NR3C2: variants seen among roughly 807,000 people sequenced by gnomAD.
The protein encoded by NR3C2 is mineralocorticoid receptor.
In NR3C2, 15 loss-of-function variants were observed where a neutral mutation model predicts 86.4. The ratio of observed to expected loss-of-function variants is 0.17; its 90% CI spans 0.12 to 0.27. The LOEUF (loss-of-function observed/expected upper bound fraction) is 0.27. NR3C2 is among the 10% of genes least tolerant of loss of function. The pLI is 1.00. For missense variants in NR3C2, 960 were observed against 1,195.6 expected (o/e 0.80, Z 2.91); for synonymous variants, 458 against 450.5 (o/e 1.02, Z -0.21).
At chr4:148,416,527 G>C (rs1231848252) in intron 2 of NR3C2, among the ~76,000 whole-genome samples, 1 of 152,216 alleles carries the variant, frequency 6.6e-6, no homozygotes, top group African/African-American at 2.4e-5. Flanking sequence ...ACACCTGGCT[G>C]AAGAGTCCAT....
intron 2 of NR3C2, among the ~76,000 whole-genome samples, chr4:148,345,659 TA>T (rs1283592417): frequency 6.6e-6 from 1 of 151,850 alleles, no homozygotes; most frequent in Non-Finnish European, 1.5e-5. Flanking sequence ...TGTCACTAGG[TA>T]TTCAAGCAGA....
intron 2 of NR3C2, among the ~76,000 whole-genome samples, chr4:148,317,778 T>A (rs76003481): frequency 3.6e-5 from 5 of 138,506 alleles, no homozygotes; most frequent in African/African-American, 8.2e-5. Flanking sequence ...AGCTTTTTTT[T>A]AAAAAGAATG....
chr4:148,296,911 C>T (rs75533657), intron 2 of NR3C2, among the ~76,000 whole-genome samples: 92 of 152,208 alleles, frequency 6.0e-4, no homozygotes, highest in African/African-American at 2.1e-3. Context: ...CTTTGTTTTA[C>T]AATAAAAGAC....
At chr4:148,267,677 T>C (rs913343158) in intron 2 of NR3C2, among the ~76,000 whole-genome samples, 12 of 152,144 alleles carry the variant, frequency 7.9e-5, no homozygotes, top group Non-Finnish European at 1.2e-4. Flanking sequence ...AGTGTATAGG[T>C]TGGGAACAGC....
At chr4:148,400,473 G>C (rs915462259) in intron 2 of NR3C2, among the ~76,000 whole-genome samples, 1 of 151,976 alleles carries the variant, frequency 6.6e-6, no homozygotes, top group Non-Finnish European at 1.5e-5. Context: ...TATATATAGA[G>C]AGTTTACATT....
intron 2 of NR3C2, among the ~76,000 whole-genome samples, chr4:148,342,568 A>T (rs866623178): frequency 1.3e-5 from 2 of 152,140 alleles, no homozygotes; most frequent in Non-Finnish European, 2.9e-5. Context: ...GCTGATCCAT[A>T]ATAAGCCCCT....
At chr4:148,115,708 C>T (rs1422740010) in intron 7 of NR3C2, among the ~76,000 whole-genome samples, 1 of 152,096 alleles carries the variant, frequency 6.6e-6, no homozygotes, top group African/African-American at 2.4e-5. Context: ...TAATAATCTT[C>T]TTGAGTTTAA....
chr4:148,436,109 G>C lies in NR3C2; in HGVS notation c.752C>G (p.Pro251Arg). Residue 251 changes from proline (P) to arginine (R), a missense_variant, in exon 2 of 9, where the codon CCT becomes CGT. Pro to Arg is a moderately radical substitution (Grantham distance 103). Around this residue, in one of 4 missense-constraint regions of NR3C2, gnomAD observed 680 missense variants for 719.0 expected, o/e 0.95. Coordinates refer to ENST00000358102, the MANE Select transcript of NR3C2 (RefSeq NM_000901.5). Reference sequence around the variant, plus strand: ...AGAGCCCACATTGCTAGCATGTGCAGGGCTGTGCGACCTGGAGCCTCGATT... The same window carrying C: ...AGAGCCCACATTGCTAGCATGTGCACGGCTGTGCGACCTGGAGCCTCGATT... The part of the protein sequence containing the change: ...VENRGSRSHS[P>R]AHASNVGSPL... The C allele has an allele frequency of 6.2e-7, 1 of 1,614,162 alleles. No individual in the cohort carries two copies. Among genetic ancestry groups the C allele is most frequent in the Non-Finnish European group, 8.5e-7 (1 of 1,180,028 alleles).
chr4:148,114,321 G>A, intron 7 of NR3C2, 60 bp from the exon 8 acceptor site: 1 of 1,582,436 alleles, frequency 6.3e-7, no homozygotes, highest in Non-Finnish European at 8.7e-7. Flanking sequence ...TAGCATCTTG[G>A]CAGGTAAAGT....
At chr4:148,126,963 A>G (rs999501209) in intron 6 of NR3C2, among the ~76,000 whole-genome samples, 2 of 152,182 alleles carry the variant, frequency 1.3e-5, no homozygotes, top group African/African-American at 4.8e-5. Context: ...CAAGCTGAGT[A>G]ATGATTTTTG....
intron 3 of NR3C2, among the ~76,000 whole-genome samples, chr4:148,219,342 A>G (rs1283270078): frequency 6.6e-6 from 1 of 152,144 alleles, no homozygotes; most frequent in Non-Finnish European, 1.5e-5. Context: ...TTCTAGGGGT[A>G]ATTTATATAT....
chr4:148,439,586 C>T (rs1198785008), intron 1 of NR3C2, among the ~76,000 whole-genome samples: 1 of 152,202 alleles, frequency 6.6e-6, no homozygotes, highest in African/African-American at 2.4e-5. Flanking sequence ...CCACCCAGAC[C>T]CCTCTCCAAA....
chr4:148,333,760 G>T (rs1177717667), intron 2 of NR3C2, among the ~76,000 whole-genome samples: 1 of 152,134 alleles, frequency 6.6e-6, no homozygotes, highest in Non-Finnish European at 1.5e-5. Context: ...AGCCAGACAA[G>T]TTTTTGTCAC....
At chr4:148,330,492 G>A (rs1345353190) in intron 2 of NR3C2, among the ~76,000 whole-genome samples, 2 of 151,166 alleles carry the variant, frequency 1.3e-5, no homozygotes, top group Non-Finnish European at 2.9e-5. Flanking sequence ...GACAAGCAGG[G>A]GCAACCCAAT....
intron 6 of NR3C2, among the ~76,000 whole-genome samples, chr4:148,148,993 T>A (rs1733990037): frequency 6.6e-6 from 1 of 152,190 alleles, no homozygotes; most frequent in Admixed American, 6.5e-5. Context: ...AAATACAGGG[T>A]CTATCATGGT....
chr4:148,351,333 G>A (rs983323996), intron 2 of NR3C2, among the ~76,000 whole-genome samples: 1 of 152,106 alleles, frequency 6.6e-6, no homozygotes, highest in Non-Finnish European at 1.5e-5. Flanking sequence ...AGTAGAGACA[G>A]GGTTTCACCA....
At chr4:148,319,947 T>C (rs1743467265) in intron 2 of NR3C2, among the ~76,000 whole-genome samples, 1 of 145,912 alleles carries the variant, frequency 6.9e-6, no homozygotes, top group South Asian at 2.3e-4. Context: ...GGCATCCCTG[T>C]CTTGTGCCAG....
At chr4:148,268,075 A>T (rs1378148998) in intron 2 of NR3C2, among the ~76,000 whole-genome samples, 1 of 151,312 alleles carries the variant, frequency 6.6e-6, no homozygotes, top group African/African-American at 2.4e-5. Flanking sequence ...AGTAGCTGGG[A>T]TTACAGGCAC....
At chr4:148,323,077 T>C (rs1743714395) in intron 2 of NR3C2, among the ~76,000 whole-genome samples, 1 of 148,656 alleles carries the variant, frequency 6.7e-6, no homozygotes, top group Admixed American at 6.7e-5. Flanking sequence ...TCCTTTCTGT[T>C]TGTTAGTTTT....
Sources: allele counts gnomAD v4.1 joint callset (sites outside exome capture counted in the v4.1 genomes callset), GRCh38; gene constraint gnomAD v4.1.1; regional missense constraint gnomAD v4.1.1; transcripts MANE v1.5; gene names NCBI Gene and HGNC (gene_info 2026-07-23, HGNC 2026-07-21).